The following GSTCD variants were observed in gnomAD, a reference collection of about 807,000 sequenced individuals.
GSTCD encodes the protein glutathione S-transferase C-terminal domain containing.
GSTCD carries 44 observed loss-of-function variants against 68.3 expected under a neutral mutation model. The ratio of observed to expected loss-of-function variants is 0.64; its 90% CI spans 0.51 to 0.83. The LOEUF is 0.83. Ranked by LOEUF, GSTCD falls within the 40% of genes least tolerant of loss-of-function variation. The pLI, the probability that GSTCD is intolerant of heterozygous loss-of-function variation, is 0.00. For missense variants in GSTCD, 739 were observed against 735.9 expected (o/e 1.00, Z -0.05); for synonymous variants, 273 against 255.2 (o/e 1.07, Z -0.67).
At chr4:105,843,748 C>T (rs1724445086) in intron 11 of GSTCD, among the ~76,000 whole-genome samples, 1 of 152,174 alleles carries the variant, frequency 6.6e-6, no homozygotes. Context: ...ATTGCAGATT[C>T]AGTTTCCAAC....
chr4:105,780,377 A>G (rs2149249011), intron 5 of GSTCD, among the ~76,000 whole-genome samples: 1 of 152,278 alleles, frequency 6.6e-6, no homozygotes, highest in East Asian at 1.9e-4. Context: ...GCTCTGGAAA[A>G]TGTTTCCTGG....
At chr4:105,822,892 G>A (rs752423385) in intron 5 of GSTCD, 62 bp from the exon 6 acceptor site, 70 of 1,199,892 alleles carry the variant, frequency 5.8e-5, no homozygotes, top group Non-Finnish European at 6.8e-5. Flanking sequence ...TATTTTAAGC[G>A]TGTCTTCTTG....
intron 5 of GSTCD, among the ~76,000 whole-genome samples, chr4:105,793,380 AT>A (rs1735748171): frequency 2.0e-5 from 3 of 151,192 alleles, no homozygotes; most frequent in South Asian, 4.2e-4. Context: ...ATTATTGCTA[AT>A]TTTTTGGGGT....
chr4:105,749,869 G>A (rs1733946429), intron 5 of GSTCD, among the ~76,000 whole-genome samples: 1 of 152,030 alleles, frequency 6.6e-6, no homozygotes, highest in African/African-American at 2.4e-5. Context: ...TTAAAAGGAT[G>A]ACCAAACAAG....
At chr4:105,736,876 C>T (rs772691967) in intron 5 of GSTCD, among the ~76,000 whole-genome samples, 26 of 152,092 alleles carry the variant, frequency 1.7e-4, no homozygotes, top group Admixed American at 3.3e-4. Context: ...ACATAATTTC[C>T]TCCAAGCTCA....
chr4:105,724,625 AAC>A lies in GSTCD; in HGVS notation c.895-1950_895-1949del, dbSNP rs1284059336. Among the ~76,000 whole-genome samples, 16 of 145,070 alleles carry A rather than the reference AAC, an allele frequency of 1.1e-4. No homozygotes were observed. The East Asian group carries it at 3.1e-3, about 28-fold the overall frequency. On this transcript the variant is annotated intron_variant, in intron 3 of 11. Coordinates refer to ENST00000515279, the MANE Select transcript of GSTCD (RefSeq NM_001370181.1). ...CACATACAGAGAAGGTAGTTTCACA[AAC>A]ACAAAAAAATGGAACTTTAGATCAT...
chr4:105,836,168 GTCATC>G (rs777906633), intron 9 of GSTCD, among the ~76,000 whole-genome samples: 108 of 152,140 alleles, frequency 7.1e-4, no homozygotes, highest in Middle Eastern at 3.4e-3. Flanking sequence ...CTTCAGGCAG[GTCATC>G]TCATCTCATC....
chr4:105,727,397 G>A (rs983963982), intron 4 of GSTCD, among the ~76,000 whole-genome samples: 11 of 151,832 alleles, frequency 7.2e-5, no homozygotes, highest in Admixed American at 7.2e-4. Flanking sequence ...GGTGGCACGT[G>A]CCTGTGGTCC....
At chr4:105,742,894 G>A (rs1357930874) in intron 5 of GSTCD, among the ~76,000 whole-genome samples, 1 of 150,130 alleles carries the variant, frequency 6.7e-6, no homozygotes, top group Non-Finnish European at 1.5e-5. Flanking sequence ...TTTTAGTTTT[G>A]TGTAGAGACG....
At chr4:105,734,684 A>C (rs779644960) in intron 5 of GSTCD, among the ~76,000 whole-genome samples, 5 of 152,208 alleles carry the variant, frequency 3.3e-5, no homozygotes, top group Non-Finnish European at 5.9e-5. Context: ...TCAACTCGTC[A>C]AAGTCATTCT....
chr4:105,835,796 GGA>G (rs1190050945), intron 9 of GSTCD, among the ~76,000 whole-genome samples: 2 of 152,160 alleles, frequency 1.3e-5, no homozygotes, highest in Admixed American at 1.3e-4. Context: ...ACAGACAATT[GGA>G]GGATGAGCAA....
At chr4:105,738,641 TG>T (rs2074778556) in intron 5 of GSTCD, among the ~76,000 whole-genome samples, 1 of 152,340 alleles carries the variant, frequency 6.6e-6, no homozygotes, top group Non-Finnish European at 1.5e-5. Flanking sequence ...TCTTGTTTGT[TG>T]TTCCTGTATA....
intron 5 of GSTCD, among the ~76,000 whole-genome samples, chr4:105,780,147 C>G (rs1270281779): frequency 6.6e-6 from 1 of 152,184 alleles, no homozygotes; most frequent in Non-Finnish European, 1.5e-5. Flanking sequence ...TGCCATTTCT[C>G]ATGATGGACA....
chr4:105,767,532 A>G (rs1734666355), intron 5 of GSTCD, among the ~76,000 whole-genome samples: 1 of 151,998 alleles, frequency 6.6e-6, no homozygotes, highest in Non-Finnish European at 1.5e-5. Flanking sequence ...GATATTGAGT[A>G]TATTTTTCAC....
In GSTCD at chr4:105,769,487, G is replaced by A. The variant is rs186819173; in HGVS notation, c.1240+39988G>A. Among the ~76,000 whole-genome samples the A allele has an allele frequency of 2.6e-5, 4 of 152,076 alleles. No homozygotes were observed. In the East Asian group the frequency reaches 7.7e-4, roughly 29 times the overall value. On this transcript the variant is annotated intron_variant, in intron 5 of 11. Coordinates refer to ENST00000515279, the MANE Select transcript of GSTCD (RefSeq NM_001370181.1). ...AAGCTTCATCTTTTACTATTTCCCT[G>A]TCCTCCCCAGGTTTTTATTCCAAGT...
At chr4:105,844,424 TTA>T (rs1397260280) in intron 11 of GSTCD, among the ~76,000 whole-genome samples, 1 of 152,214 alleles carries the variant, frequency 6.6e-6, no homozygotes, top group Non-Finnish European at 1.5e-5. Flanking sequence ...AATAAACATT[TTA>T]AATGTGAGTC....
intron 5 of GSTCD, among the ~76,000 whole-genome samples, chr4:105,779,816 G>T (rs1365626420): frequency 6.6e-6 from 1 of 152,194 alleles, no homozygotes; most frequent in Non-Finnish European, 1.5e-5. Context: ...AAAGATTCAG[G>T]CATTGCCTAT....
chr4:105,729,235 T>G (rs1356667340), intron 4 of GSTCD, among the ~76,000 whole-genome samples, 171 bp from the exon 5 acceptor site: 2 of 152,192 alleles, frequency 1.3e-5, no homozygotes, highest in Non-Finnish European at 1.5e-5. Context: ...GTCAAAATAC[T>G]CAACACATGG....
intron 5 of GSTCD, among the ~76,000 whole-genome samples, chr4:105,756,983 A>C (rs1226663055): frequency 1.3e-5 from 2 of 152,190 alleles, no homozygotes; most frequent in Non-Finnish European, 2.9e-5. Flanking sequence ...GTGTGAAGTT[A>C]CACTGATCAG....
Sources: gnomAD v4.1 joint callset for allele counts (sites outside exome capture counted in the v4.1 genomes callset) on GRCh38, gnomAD v4.1.1 for gene constraint, MANE v1.5 for transcripts, NCBI Gene and HGNC (gene_info 2026-07-23, HGNC 2026-07-21) for gene names.